Variants in CHD4 observed in about 807,000 individuals in gnomAD.
CHD4 encodes the protein ATP-dependent chromatin remodeler CHD4.
In CHD4, 35 loss-of-function variants were observed where a neutral mutation model predicts 235.5. The ratio of observed to expected loss-of-function variants is 0.15; its 90% CI spans 0.11 to 0.20. The LOEUF (loss-of-function observed/expected upper bound fraction) is 0.20, where lower values mean the gene tolerates loss of function less well. Ranked by LOEUF, CHD4 falls within the 10% of genes least tolerant of loss-of-function variation. The probability of loss-of-function intolerance (pLI) is 1.00; values close to 1 mark genes in which losing one functional copy is unlikely to be tolerated. For synonymous variants in CHD4, 900 were observed against 850.2 expected (o/e 1.06, Z -1.02); for missense variants, 1,329 against 2,432.3 (o/e 0.55, Z 9.54).
chr12:6,583,157 G>A (rs1407301955), intron 26 of CHD4, 41 bp downstream of exon 26: 1 of 1,237,886 alleles, frequency 8.1e-7, no homozygotes, highest in Non-Finnish European at 1.1e-6. Context: ...CTGCTCTAGT[G>A]GAACGGCCCA....
intron 15 of CHD4, among the ~76,000 whole-genome samples, chr12:6,594,024 G>A (rs1052149739): frequency 6.6e-6 from 1 of 152,062 alleles, no homozygotes; most frequent in Non-Finnish European, 1.5e-5. Context: ...TAGTAGAGAC[G>A]GGGTTTCGCC....
Position 6,591,940 on chromosome 12 carries a change from T to C in CHD4, c.3066A>G (p.Pro1022=), listed in dbSNP as rs765170017. ...VMDLKKCCNH[P]YLFPVAAMEA... ...CCATTGCAGCCACAGGGAAGAGGTA[T>C]GGATGGTTGCAGCACTTCTTAAGAT... The change falls in exon 20 of 40, where the codon CCA becomes CCG. Residue 1022 remains proline, a synonymous_variant. Coordinates refer to ENST00000544040, the MANE Select transcript of CHD4 (RefSeq NM_001273.5). 2 of 1,614,196 alleles carry C rather than the reference T, an allele frequency of 1.2e-6. No individual in the cohort carries two copies. The highest frequency in any genetic ancestry group is 1.7e-6 in the Non-Finnish European group (2 of 1,180,038).
In CHD4 at chr12:6,595,439, G is replaced by T. The variant is rs1029337064; in HGVS notation, c.2025-9C>A. 5 of 1,611,780 alleles carry T rather than the reference G, an allele frequency of 3.1e-6. No individual in the cohort carries two copies. The highest frequency in any genetic ancestry group is 4.2e-6 in the Non-Finnish European group (5 of 1,178,388). ...CACCCCTCATTAACTCCCTAAAGAAGAAAGACATCACACAGCTGCCCAAAA... is the reference window on the plus strand; with the variant it reads ...CACCCCTCATTAACTCCCTAAAGAATAAAGACATCACACAGCTGCCCAAAA... On this transcript the variant is annotated splice_polypyrimidine_tract_variant and intron_variant, in intron 13 of 39. Coordinates refer to ENST00000544040, the MANE Select transcript of CHD4 (RefSeq NM_001273.5).
At chr12:6,598,200 C>T (rs759961615) in intron 11 of CHD4, 22 bp downstream of exon 11, 1 of 1,610,126 alleles carries the variant, frequency 6.2e-7, no homozygotes, top group Non-Finnish European at 8.5e-7. Flanking sequence ...GCCCCTACAT[C>T]TCCAGACTAT....
chr12:6,580,785 G>A, intron 33 of CHD4: 1 of 403,694 alleles, frequency 2.5e-6, no homozygotes, highest in Non-Finnish European at 4.4e-6. Context: ...AAAGCAGGTG[G>A]ATCATGAGGT....
intron 18 of CHD4, 58 bp downstream of exon 18, chr12:6,592,638 G>A (rs1448620867): frequency 1.6e-5 from 25 of 1,588,904 alleles, no homozygotes; most frequent in Non-Finnish European, 2.1e-5. Flanking sequence ...CAGGAAATGG[G>A]CAACAGGAAG....
chr12:6,595,715 G>T (rs1270914897), intron 13 of CHD4, among the ~76,000 whole-genome samples: 1 of 151,284 alleles, frequency 6.6e-6, no homozygotes, highest in East Asian at 1.9e-4. Context: ...TTGAACCCAG[G>T]AGGCGGAGGC....
chr12:6,595,148 G>A (rs747459716), intron 14 of CHD4, among the ~76,000 whole-genome samples, 186 bp downstream of exon 14: 13 of 151,180 alleles, frequency 8.6e-5, no homozygotes, highest in Admixed American at 4.6e-4. Context: ...GATGACAAAA[G>A]AAGAAAGTAA....
intron 10 of CHD4, among the ~76,000 whole-genome samples, chr12:6,598,675 G>A (rs1948539901): frequency 6.6e-6 from 1 of 152,296 alleles, no homozygotes; most frequent in South Asian, 2.1e-4. Context: ...TGGGCGTGGT[G>A]GCATGCGCCT....
Position 6,595,422 on chromosome 12 carries a change from A to G in CHD4, c.2033T>C (p.Met678Thr). 2 of 1,613,820 alleles carry G rather than the reference A, an allele frequency of 1.2e-6. No individual in the cohort carries two copies. The highest frequency in any genetic ancestry group is 8.5e-7 in the Non-Finnish European group (1 of 1,179,832). The change falls in exon 14 of 40, where the codon ATG becomes ACG. Residue 678 changes from methionine (M) to threonine (T), a missense_variant. By Grantham distance (81) the Met-to-Thr change is moderately conservative (BLOSUM62 -1). Transcript: ENST00000544040. ...KQSYWNHREL[M>T]RGEEGRPGKK... The stretch of plus-strand genomic sequence containing the variant: ...GCCTGGTCGGCCTTCCTCACCCCTC[A>G]TTAACTCCCTAAAGAAGAAAGACAT...
chr12:6,597,643 G>A (rs1948522781), intron 12 of CHD4, among the ~76,000 whole-genome samples: 1 of 152,120 alleles, frequency 6.6e-6, no homozygotes, highest in South Asian at 2.1e-4. Context: ...GCTTGCGCCT[G>A]TAGTCCCAGC....
chr12:6,606,195 G>T, intron 2 of CHD4, 79 bp downstream of exon 2: 1 of 967,822 alleles, frequency 1.0e-6, no homozygotes, highest in African/African-American at 1.7e-5. Flanking sequence ...GAGCAACACA[G>T]CCCTGCCTCA....
rs771725476 is a variant in CHD4, at chr12:6,587,701, G to A, written c.3703+11C>T. The A allele has an allele frequency of 3.1e-6, 5 of 1,613,022 alleles. 1 individual carries two copies. In the South Asian group the frequency reaches 5.5e-5, roughly 18 times the overall value. On this transcript the variant is annotated intron_variant, in intron 24 of 39. Transcript: ENST00000544040. ...GCCCCACACCAAAACGTAAGTTCCT[G>A]ACTACCTCACCTCCATCAGTGGCTT... is the stretch of plus-strand genomic sequence containing the variant.
At chr12:6,575,636 T>A (rs1948057514) in intron 37 of CHD4, among the ~76,000 whole-genome samples, 1 of 152,136 alleles carries the variant, frequency 6.6e-6, no homozygotes, top group African/African-American at 2.4e-5. Flanking sequence ...CATGATTATA[T>A]GACAGTTTTA....
rs1948489586 is a variant in CHD4 at position 6,596,112 on chromosome 12, A to G, written c.1918T>C (p.Tyr640His). The G allele has an allele frequency of 6.2e-7, 1 of 1,613,920 alleles. No individual in the cohort carries two copies. Residue 640 changes from tyrosine (Y) to histidine (H), a missense_variant, in exon 13 of 40, where the codon TAC becomes CAC. By Grantham distance (83) the Tyr-to-His change is moderately conservative. Coordinates refer to ENST00000544040, the MANE Select transcript of CHD4 (RefSeq NM_001273.5). Reference sequence around the variant, plus strand: ...GGTAAGTCCCGCCACTTGATCAAGTAGTGGACGTGGCCCTTCTTGTCCACA... The same window carrying G: ...GGTAAGTCCCGCCACTTGATCAAGTGGTGGACGTGGCCCTTCTTGTCCACA... ...HSVDKKGHVH[Y>H]LIKWRDLPYD...
intron 25 of CHD4, among the ~76,000 whole-genome samples, chr12:6,585,365 A>G (rs527303730): frequency 6.6e-6 from 1 of 151,878 alleles, no homozygotes; most frequent in African/African-American, 2.4e-5. Context: ...GCTCACTGCA[A>G]GCTCTGCCTC....
At chr12:6,583,459 TGCTA>T (rs899790776) in intron 25 of CHD4, 81 bp from the exon 26 acceptor site, 29 of 1,233,358 alleles carry the variant, frequency 2.4e-5, no homozygotes, top group Non-Finnish European at 3.1e-5. Flanking sequence ...GTTCCCACTC[TGCTA>T]GCTCCTTTTC....
chr12:6,570,822 G>A (rs1180552869), intron 39 of CHD4, 47 bp downstream of exon 39: 1 of 1,613,076 alleles, frequency 6.2e-7, no homozygotes, highest in South Asian at 1.1e-5. Context: ...ACAAGCTCCA[G>A]AATGGTTCTG....
Position 6,594,132 on chromosome 12 carries a change from G to A in CHD4, c.2313+327C>T, listed in dbSNP as rs149214000. On this transcript the variant is annotated intron_variant, in intron 15 of 39. Transcript: ENST00000544040. ...TTACAGGTATGAGCCACTGCGTCCAGCCAAGCCTTTCCATACTAATTCTAC... is the reference window on the plus strand; with the variant it reads ...TTACAGGTATGAGCCACTGCGTCCAACCAAGCCTTTCCATACTAATTCTAC... 8.7e-3 allele frequency among the ~76,000 whole-genome samples: 1,330 copies of A among 152,268 alleles called. 15 individuals are homozygous for A. Among genetic ancestry groups the A allele is most frequent in the African/African-American group, 0.029 (1,215 of 41,534 alleles).
Sources: gnomAD v4.1 joint callset for allele counts (sites outside exome capture counted in the v4.1 genomes callset) on GRCh38, gnomAD v4.1.1 for gene constraint, MANE v1.5 for transcripts, NCBI Gene and HGNC (gene_info 2026-07-23, HGNC 2026-07-21) for gene names.